The following PHACTR1 variants were observed in gnomAD, a reference collection of about 807,000 sequenced individuals.
PHACTR1 encodes the protein RPEL repeat containing 1.
PHACTR1 carries 16 observed loss-of-function variants against 69.2 expected under a neutral mutation model. The ratio of observed to expected loss-of-function variants is 0.23; its 90% confidence interval spans 0.16 to 0.35. The LOEUF (loss-of-function observed/expected upper bound fraction) is 0.35. Among genes scored for constraint, PHACTR1 ranks in the 10% least tolerant of loss-of-function variants. The probability of loss-of-function intolerance (pLI) is 1.00; values close to 1 mark genes in which losing one functional copy is unlikely to be tolerated. For synonymous variants in PHACTR1, 312 were observed against 284.5 expected, an observed-to-expected ratio of 1.10 and a Z score of -0.97; for missense variants, 510 against 734.7, an observed-to-expected ratio of 0.69 and a Z score of 3.54.
At chr6:13,252,731 A>T (rs1774653325) in intron 10 of PHACTR1, among the ~76,000 whole-genome samples, 1 of 152,168 alleles carries the variant, frequency 6.6e-6, no homozygotes, top group Non-Finnish European at 1.5e-5. Flanking sequence ...TTAGAGATTA[A>T]TGAGAGTATC....
intron 5 of PHACTR1, among the ~76,000 whole-genome samples, chr6:13,132,797 G>T (rs527959585): frequency 3.2e-4 from 49 of 152,152 alleles, no homozygotes; most frequent in Non-Finnish European, 2.6e-4. Flanking sequence ...CTGATGGAGG[G>T]CCTTGATTCT....
At chr6:12,864,871 T>G (rs1432155630) in intron 4 of PHACTR1, among the ~76,000 whole-genome samples, 3 of 152,192 alleles carry the variant, frequency 2.0e-5, no homozygotes, top group African/African-American at 7.2e-5. Flanking sequence ...ATTTCATGGT[T>G]GACTTATACA....
intron 3 of PHACTR1, among the ~76,000 whole-genome samples, chr6:12,739,224 G>A (rs891456293): frequency 6.6e-6 from 1 of 152,104 alleles, no homozygotes; most frequent in South Asian, 2.1e-4. Flanking sequence ...GTTATCTGCT[G>A]TTCTGTTGTT....
intron 4 of PHACTR1, among the ~76,000 whole-genome samples, chr6:12,918,264 A>G (rs1787231063): frequency 1.7e-5 from 1 of 59,686 alleles, no homozygotes; most frequent in Non-Finnish European, 3.2e-5. Context: ...TTTCCTCCTC[A>G]TCTAGGAATC....
At chr6:13,056,925 A>T (rs1418731346) in intron 5 of PHACTR1, among the ~76,000 whole-genome samples, 1 of 152,202 alleles carries the variant, frequency 6.6e-6, no homozygotes, top group Non-Finnish European at 1.5e-5. Flanking sequence ...ACTTACCAGG[A>T]TCCTTGCTAA....
chr6:13,021,097 T>C (rs560013900), intron 4 of PHACTR1, among the ~76,000 whole-genome samples: 1 of 152,332 alleles, frequency 6.6e-6, no homozygotes, highest in Non-Finnish European at 1.5e-5. Flanking sequence ...ATCACCACAA[T>C]CAATTTTAGA....
chr6:12,895,014 C>T (rs1056599782), intron 4 of PHACTR1, among the ~76,000 whole-genome samples: 50 of 152,062 alleles, frequency 3.3e-4, no homozygotes, highest in African/African-American at 1.1e-3. Context: ...CACTGTTTGG[C>T]ACACCAGGGT....
Position 13,283,678 on chromosome 6 carries a change from A to G in PHACTR1, c.1650+116A>G. The G allele has an allele frequency of 1.3e-6, 2 of 1,504,696 alleles. No individual in the cohort carries two copies. Among genetic ancestry groups the G allele is most frequent in the Non-Finnish European group, 1.8e-6 (2 of 1,091,710 alleles). The allele number at this position is 1,504,696 out of a possible 1,614,324, so 93.2% of individuals were successfully genotyped here. On this transcript the variant is annotated intron_variant, in intron 13 of 14. Transcript: ENST00000332995. The surrounding 1 kb of genome is among the most constrained non-coding windows in gnomAD (Gnocchi z 4.7). ...CAGCCAGGCCTCAGCCGCAGTCCCC[A>G]TAATGGAGTGTTGAGACCCCAACAC... is the stretch of plus-strand genomic sequence containing the variant.
intron 7 of PHACTR1, among the ~76,000 whole-genome samples, chr6:13,188,112 A>G (rs558129101): frequency 3.5e-4 from 53 of 152,282 alleles, no homozygotes; most frequent in Non-Finnish European, 6.0e-4. Flanking sequence ...CCTCACCTCT[A>G]TACAGCTTGG....
In PHACTR1 at chr6:13,195,757, CAAAA is replaced by C. The variant is rs869092852; in HGVS notation, c.665-10038_665-10035del. Among the ~76,000 whole-genome samples the C allele has an allele frequency of 9.4e-4, 39 of 41,500 alleles. 1 individual carries two copies. The highest frequency in any genetic ancestry group is 3.0e-3 in the Admixed American group (9 of 2,956). 27.2% of individuals were successfully genotyped at this position (41,500 alleles called of 152,430 possible). A position where few individuals can be genotyped will look rare whatever the true frequency, so the allele number is the denominator to read the frequency against. On this transcript the variant is annotated intron_variant, in intron 7 of 14. Coordinates refer to ENST00000332995, the MANE Select transcript of PHACTR1 (RefSeq NM_030948.6). ...TGGGCGACAGAGAGAGACACCGTCT[CAAAA>C]AAAAAAAAAAAAAAAAAAAGTTCAT... is the stretch of plus-strand genomic sequence containing the variant.
intron 10 of PHACTR1, among the ~76,000 whole-genome samples, chr6:13,250,751 CCAA>C (rs771487220): frequency 3.3e-5 from 5 of 152,292 alleles, no homozygotes; most frequent in Admixed American, 6.5e-5. Flanking sequence ...AGGAGGGTCG[CCAA>C]CGAGTAAGAG....
At chr6:12,735,507 C>T (rs1173316954) in intron 3 of PHACTR1, among the ~76,000 whole-genome samples, 1 of 152,194 alleles carries the variant, frequency 6.6e-6, no homozygotes, top group Non-Finnish European at 1.5e-5. Flanking sequence ...GGGAGCATAG[C>T]TCATACACCT....
At chr6:13,129,957 C>T (rs1820151499) in intron 5 of PHACTR1, among the ~76,000 whole-genome samples, 1 of 152,050 alleles carries the variant, frequency 6.6e-6, no homozygotes, top group Non-Finnish European at 1.5e-5. Context: ...CAAGTATCCT[C>T]TCAAACCACA....
chr6:12,968,764 C>T (rs1793798202), intron 4 of PHACTR1, among the ~76,000 whole-genome samples: 1 of 152,254 alleles, frequency 6.6e-6, no homozygotes, highest in South Asian at 2.1e-4. Context: ...CAAATGGACT[C>T]CACTGATCCC....
chr6:12,826,450 C>T (rs1213552047), intron 4 of PHACTR1, among the ~76,000 whole-genome samples: 12 of 152,154 alleles, frequency 7.9e-5, no homozygotes, highest in African/African-American at 2.9e-4. Flanking sequence ...TTCCCTACTT[C>T]AACTTGTAGA....
rs746712424 is a variant in PHACTR1, at chr6:13,283,669, G to T, written c.1650+107G>T. The T allele has an allele frequency of 1.8e-5, 27 of 1,537,768 alleles. No homozygotes were observed. Among genetic ancestry groups the T allele is most frequent in the Non-Finnish European group, 2.4e-5 (27 of 1,119,590 alleles). The stretch of plus-strand genomic sequence containing the variant: ...GGAGACCTGCAGCCAGGCCTCAGCC[G>T]CAGTCCCCATAATGGAGTGTTGAGA... On this transcript the variant is annotated intron_variant, in intron 13 of 14. Transcript: ENST00000332995. This position sits in a 1 kb window ranked among gnomAD's most constrained non-coding sequence, Gnocchi z 4.7.
intron 6 of PHACTR1, among the ~76,000 whole-genome samples, chr6:13,161,039 A>G (rs1758917666): frequency 6.6e-6 from 1 of 151,876 alleles, no homozygotes; most frequent in Admixed American, 6.6e-5. Flanking sequence ...GAGTGCAGTG[A>G]TGCAATCACG....
At chr6:13,003,952 T>TATATATATATATATATATATAC in intron 4 of PHACTR1, among the ~76,000 whole-genome samples, 1 of 100,262 alleles carries the variant, frequency 1.0e-5, no homozygotes, top group South Asian at 3.0e-4. Flanking sequence ...GTAGTATTCC[T>TATATATATATATATATATATAC]ATATATATAT....
At chr6:13,023,379 T>G (rs1007290926) in intron 4 of PHACTR1, among the ~76,000 whole-genome samples, 2 of 152,254 alleles carry the variant, frequency 1.3e-5, no homozygotes, top group Middle Eastern at 3.2e-3. Flanking sequence ...ATCTTGACTC[T>G]GTTATTGTTT....
Sources: gnomAD v4.1 joint callset for allele counts (sites outside exome capture counted in the v4.1 genomes callset) on GRCh38, gnomAD v4.1.1 for gene constraint, Gnocchi (gnomAD v3.1) non-coding constraint, MANE v1.5 for transcripts, NCBI Gene and HGNC (gene_info 2026-07-23, HGNC 2026-07-21) for gene names.